DLG1: variants seen among roughly 807,000 people sequenced by gnomAD.
DLG1 encodes the protein disks large homolog 1.
In DLG1, 42 loss-of-function variants were observed where a neutral mutation model predicts 123.4. The ratio of observed to expected loss-of-function variants is 0.34; its 90% confidence interval spans 0.27 to 0.44. DLG1 has a LOEUF of 0.44. DLG1 is among the 20% of genes least tolerant of loss of function. The pLI is 1.00. For missense variants in DLG1, 942 were observed against 1,082.6 expected (o/e 0.87, Z 1.82); for synonymous variants, 317 against 356.2 (o/e 0.89, Z 1.24).
intron 5 of DLG1, among the ~76,000 whole-genome samples, chr3:197,181,413 A>G (rs1711778680): frequency 6.6e-6 from 1 of 152,172 alleles, no homozygotes; most frequent in African/African-American, 2.4e-5. Context: ...TATTATATTC[A>G]TAGGTATATA....
intron 13 of DLG1, among the ~76,000 whole-genome samples, chr3:197,113,696 T>C (rs1771406844): frequency 6.6e-6 from 1 of 152,206 alleles, no homozygotes; most frequent in Non-Finnish European, 1.5e-5. Context: ...AAGCCGACAA[T>C]TTCTGTATCT....
chr3:197,238,168 G>A (rs1228375745), intron 4 of DLG1, among the ~76,000 whole-genome samples: 2 of 152,126 alleles, frequency 1.3e-5, no homozygotes, highest in African/African-American at 2.4e-5. Context: ...TCAGAGCAGC[G>A]TCAGAGAAAA....
intron 1 of DLG1, chr3:197,298,135 T>G (rs569898760): frequency 5.0e-6 from 1 of 200,038 alleles, no homozygotes; most frequent in South Asian, 1.8e-4. Flanking sequence ...GCCCCCGAGC[T>G]GGCCTGCCGC....
chr3:197,114,114 C>T (rs1418109967), intron 13 of DLG1, among the ~76,000 whole-genome samples: 4 of 152,122 alleles, frequency 2.6e-5, no homozygotes, highest in Non-Finnish European at 5.9e-5. Flanking sequence ...CACATCCACT[C>T]ATAGGAGTTT....
intron 23 of DLG1, among the ~76,000 whole-genome samples, chr3:197,057,548 G>A (rs528442841): frequency 6.6e-6 from 1 of 152,156 alleles, no homozygotes; most frequent in East Asian, 1.9e-4. Flanking sequence ...TACCAATGAA[G>A]ATGCACCAAT....
At chr3:197,136,112 G>A (rs975305583) in intron 10 of DLG1, among the ~76,000 whole-genome samples, 13 of 152,052 alleles carry the variant, frequency 8.5e-5, no homozygotes, top group Non-Finnish European at 1.5e-4. Context: ...CACCACACCC[G>A]GCCTGATTAA....
At chr3:197,147,432 G>GCAC (rs1553958581) in intron 6 of DLG1, among the ~76,000 whole-genome samples, 5 of 147,086 alleles carry the variant, frequency 3.4e-5, no homozygotes, top group Non-Finnish European at 6.0e-5. Flanking sequence ...TATATGGTGT[G>GCAC]CACACACACA....
intron 4 of DLG1, among the ~76,000 whole-genome samples, chr3:197,278,234 G>C (rs1767456601): frequency 7.9e-6 from 1 of 125,918 alleles, no homozygotes; most frequent in Non-Finnish European, 1.6e-5. Context: ...AGTGAGACGA[G>C]ATCGTACCAT....
intron 11 of DLG1, among the ~76,000 whole-genome samples, chr3:197,126,934 T>C (rs906496800): frequency 1.3e-5 from 2 of 152,118 alleles, no homozygotes; most frequent in African/African-American, 4.8e-5. Context: ...ATCACCAATA[T>C]TTCTAAAATT....
At chr3:197,163,194 A>G (rs1799532859) in intron 5 of DLG1, among the ~76,000 whole-genome samples, 1 of 152,214 alleles carries the variant, frequency 6.6e-6, no homozygotes, top group African/African-American at 2.4e-5. Context: ...AAACAAAACA[A>G]AAAACAAAGT....
chr3:197,167,283 T>C (rs1176409707), intron 5 of DLG1, among the ~76,000 whole-genome samples: 2 of 152,200 alleles, frequency 1.3e-5, no homozygotes, highest in Non-Finnish European at 2.9e-5. Flanking sequence ...ATCATAGTAA[T>C]AGAGTAATTC....
At chr3:197,231,705 A>AC (rs1349656697) in intron 4 of DLG1, among the ~76,000 whole-genome samples, 1 of 136,470 alleles carries the variant, frequency 7.3e-6, no homozygotes, top group East Asian at 3.8e-4. Context: ...GTTAAAAAAA[A>AC]AAAAACAACA....
chr3:197,051,726 G>A, intron 23 of DLG1, 58 bp from the exon 24 acceptor site: 1 of 1,312,888 alleles, frequency 7.6e-7, no homozygotes, highest in Non-Finnish European at 1.1e-6. Context: ...TTAAAAAAAA[G>A]ATGGCAAAGG....
intron 18 of DLG1, chr3:197,075,726 T>C: frequency 2.4e-6 from 2 of 841,118 alleles, no homozygotes; most frequent in East Asian, 2.6e-5. Flanking sequence ...ATCTAAATCA[T>C]ACACCTCCTT....
intron 4 of DLG1, among the ~76,000 whole-genome samples, chr3:197,281,583 A>C (rs1267920644): frequency 6.6e-6 from 1 of 152,242 alleles, no homozygotes; most frequent in Non-Finnish European, 1.5e-5. Context: ...AATGGAAATT[A>C]TCCTGGAAAA....
chr3:197,181,455 CGTT>C (rs1711838155), intron 5 of DLG1, among the ~76,000 whole-genome samples: 1 of 152,054 alleles, frequency 6.6e-6, no homozygotes, highest in Non-Finnish European at 1.5e-5. Context: ...TTTCAATCTA[CGTT>C]GTTTCTAACA....
chr3:197,089,454 G>A (rs1272341176), intron 15 of DLG1, among the ~76,000 whole-genome samples: 2 of 151,760 alleles, frequency 1.3e-5, no homozygotes, highest in Non-Finnish European at 2.9e-5. Context: ...TTGAACCCGG[G>A]AGGTTGAGGC....
At chr3:197,190,474 T>C (rs1048635879) in intron 5 of DLG1, among the ~76,000 whole-genome samples, 1 of 152,204 alleles carries the variant, frequency 6.6e-6, no homozygotes, top group Admixed American at 6.5e-5. Context: ...TTGCATTTGT[T>C]TGAAATCTGC....
At chr3:197,126,799 G>A (rs1779354242) in intron 11 of DLG1, among the ~76,000 whole-genome samples, 1 of 152,136 alleles carries the variant, frequency 6.6e-6, no homozygotes, top group Non-Finnish European at 1.5e-5. Context: ...TCAATGAGCA[G>A]ATAATGAAGA....
Sources: gnomAD v4.1 joint callset for allele counts (sites outside exome capture counted in the v4.1 genomes callset) on GRCh38, gnomAD v4.1.1 for gene constraint, MANE v1.5 for transcripts, NCBI Gene and HGNC (gene_info 2026-07-23, HGNC 2026-07-21) for gene names.